The following MYO3B variants were observed in gnomAD, a reference collection of about 807,000 sequenced individuals.
MYO3B encodes the protein myosin-IIIb.
MYO3B carries 156 observed loss-of-function variants against 174.6 expected under a neutral mutation model. That is an observed-to-expected ratio of 0.89 (90% CI 0.78 to 1.02). The LOEUF is 1.02. Among genes scored for constraint, MYO3B ranks in the 50% least tolerant of loss-of-function variants. The pLI is 0.00. For missense variants in MYO3B, 1,632 were observed against 1,639.4 expected (o/e 1.00, Z 0.08); for synonymous variants, 563 against 569.1 (o/e 0.99, Z 0.15).
At chr2:170,511,280 A>G (rs1191614601) in intron 28 of MYO3B, among the ~76,000 whole-genome samples, 1 of 150,598 alleles carries the variant, frequency 6.6e-6, no homozygotes, top group East Asian at 2.0e-4. Flanking sequence ...GTTAGCTAGG[A>G]TGGTCTCGAT....
At chr2:170,621,287 G>C (rs946809544) in intron 32 of MYO3B, among the ~76,000 whole-genome samples, 2 of 152,080 alleles carry the variant, frequency 1.3e-5, no homozygotes, top group African/African-American at 4.8e-5. Context: ...TACTTCATAG[G>C]TTTATTTTAT....
chr2:170,235,567 C>T (rs2093060773), intron 6 of MYO3B, among the ~76,000 whole-genome samples: 1 of 152,158 alleles, frequency 6.6e-6, no homozygotes, highest in South Asian at 2.1e-4. Context: ...GTTGGTTATA[C>T]TCGCGGGAAT....
chr2:170,624,958 T>A (rs894150984), intron 32 of MYO3B, among the ~76,000 whole-genome samples: 5 of 152,202 alleles, frequency 3.3e-5, no homozygotes, highest in African/African-American at 1.2e-4. Flanking sequence ...TGCTGCTGGA[T>A]TCGGTTTGCC....
At chr2:170,429,769 C>A (rs1444272256) in intron 22 of MYO3B, among the ~76,000 whole-genome samples, 1 of 152,118 alleles carries the variant, frequency 6.6e-6, no homozygotes, top group Non-Finnish European at 1.5e-5. Flanking sequence ...TCATTGACTA[C>A]TCTTCAGTTT....
intron 32 of MYO3B, among the ~76,000 whole-genome samples, chr2:170,646,456 G>A (rs1029517754): frequency 3.3e-5 from 5 of 151,490 alleles, no homozygotes; most frequent in African/African-American, 7.3e-5. Context: ...GTACAGAGGC[G>A]CGATCTCGGC....
chr2:170,437,952 T>C (rs2094767735), intron 22 of MYO3B, among the ~76,000 whole-genome samples: 1 of 144,756 alleles, frequency 6.9e-6, no homozygotes, highest in Non-Finnish European at 1.5e-5. Flanking sequence ...AAAAAATATA[T>C]ATAACATGAA....
chr2:170,608,494 G>A (rs1024911919), intron 32 of MYO3B, among the ~76,000 whole-genome samples: 4 of 152,128 alleles, frequency 2.6e-5, no homozygotes, highest in Non-Finnish European at 5.9e-5. Context: ...ATGATAAACA[G>A]CATTTCTCTT....
intron 7 of MYO3B, among the ~76,000 whole-genome samples, chr2:170,295,402 A>G (rs955881091): frequency 5.9e-5 from 9 of 151,286 alleles, no homozygotes; most frequent in Non-Finnish European, 1.3e-4. Context: ...TTGAAACTAT[A>G]TAATTGATTT....
At chr2:170,192,529 ATATT>A (rs1357994724) in intron 1 of MYO3B, among the ~76,000 whole-genome samples, 1 of 150,194 alleles carries the variant, frequency 6.7e-6, no homozygotes, top group Non-Finnish European at 1.5e-5. Context: ...ATTTAATTAT[ATATT>A]CTACTGTTTT....
chr2:170,601,447 A>G (rs992005407), intron 32 of MYO3B, among the ~76,000 whole-genome samples: 5 of 152,214 alleles, frequency 3.3e-5, no homozygotes, highest in African/African-American at 1.2e-4. Context: ...CTATCTAAAG[A>G]CACATTTGGT....
intron 22 of MYO3B, among the ~76,000 whole-genome samples, chr2:170,427,928 T>C (rs941147964): frequency 6.6e-6 from 1 of 152,222 alleles, no homozygotes; most frequent in African/African-American, 2.4e-5. Flanking sequence ...AAATGGCTGG[T>C]ACTTGCCAAT....
chr2:170,560,798 G>A (rs74500967), intron 32 of MYO3B, among the ~76,000 whole-genome samples: 2,651 of 152,242 alleles, frequency 0.017, 65 homozygotes, highest in East Asian at 0.089. Flanking sequence ...AAGAGCTCTA[G>A]ATTTGTTTCT....
intron 3 of MYO3B, among the ~76,000 whole-genome samples, chr2:170,210,354 AT>A (rs1437550395): frequency 3.3e-5 from 5 of 152,198 alleles, no homozygotes; most frequent in Non-Finnish European, 7.3e-5. Context: ...CTAGGCAAGA[AT>A]TTACATTTCC....
At chr2:170,336,499 C>T (rs373197189) in intron 8 of MYO3B, among the ~76,000 whole-genome samples, 2 of 152,026 alleles carry the variant, frequency 1.3e-5, no homozygotes, top group South Asian at 2.1e-4. Flanking sequence ...CAAAGAGCTC[C>T]GAAAGATAAA....
chr2:170,276,929 C>T (rs1440621848), intron 7 of MYO3B, among the ~76,000 whole-genome samples: 1 of 152,076 alleles, frequency 6.6e-6, no homozygotes, highest in Admixed American at 6.6e-5. Context: ...AGATATGGGC[C>T]ATTTTATGGA....
At chr2:170,633,326 C>T (rs894556654) in intron 32 of MYO3B, among the ~76,000 whole-genome samples, 1 of 152,212 alleles carries the variant, frequency 6.6e-6, no homozygotes, top group Non-Finnish European at 1.5e-5. Context: ...ATACGCAAAT[C>T]AATAAACTTA....
intron 28 of MYO3B, among the ~76,000 whole-genome samples, chr2:170,513,505 T>C (rs1688107846): frequency 6.6e-6 from 1 of 152,198 alleles, no homozygotes; most frequent in African/African-American, 2.4e-5. Flanking sequence ...ACACCAGTCA[T>C]TGGCTTTAGG....
At chr2:170,223,955 T>C (rs576721686) in intron 6 of MYO3B, among the ~76,000 whole-genome samples, 5 of 152,278 alleles carry the variant, frequency 3.3e-5, no homozygotes, top group Admixed American at 1.3e-4. Flanking sequence ...CCAGAGCCCC[T>C]TGAGTGCTCC....
chr2:170,407,643 A>G, intron 21 of MYO3B, 72 bp from the exon 22 acceptor site: 1 of 1,567,434 alleles, frequency 6.4e-7, no homozygotes, highest in Non-Finnish European at 8.7e-7. Context: ...ACAACTGGTT[A>G]GGCAAGTTGC....
Sources: gnomAD v4.1 joint callset for allele counts (sites outside exome capture counted in the v4.1 genomes callset) on GRCh38, gnomAD v4.1.1 for gene constraint, MANE v1.5 for transcripts, NCBI Gene and HGNC (gene_info 2026-07-23, HGNC 2026-07-21) for gene names.